The following RABGAP1 variants were observed in gnomAD, a reference collection of about 807,000 sequenced individuals.
RABGAP1 encodes RAB GTPase activating protein 1.
RABGAP1 carries 23 observed loss-of-function variants against 137.6 expected under a neutral mutation model. The ratio of observed to expected loss-of-function variants is 0.17; its 90% CI spans 0.12 to 0.24. RABGAP1 has a LOEUF of 0.24. RABGAP1 is among the 10% of genes least tolerant of loss of function. The probability of loss-of-function intolerance (pLI) is 1.00; values close to 1 mark genes in which losing one functional copy is unlikely to be tolerated. For synonymous variants in RABGAP1, 451 were observed against 450.7 expected (o/e 1.00, Z -0.01); for missense variants, 906 against 1,275.8 (o/e 0.71, Z 4.42).
intron 19 of RABGAP1, among the ~76,000 whole-genome samples, chr9:123,082,280 T>C (rs2034733269): frequency 6.6e-6 from 1 of 152,194 alleles, no homozygotes; most frequent in Admixed American, 6.5e-5. Context: ...AGAACTCATT[T>C]AGCTATCCAT....
At chr9:123,019,358 C>T (rs976624395) in intron 12 of RABGAP1, among the ~76,000 whole-genome samples, 5 of 152,094 alleles carry the variant, frequency 3.3e-5, no homozygotes. Context: ...CAAAGTCTGT[C>T]TCTGTCACCC....
chr9:122,986,946 G>A (rs1372357052), intron 4 of RABGAP1, among the ~76,000 whole-genome samples: 1 of 152,076 alleles, frequency 6.6e-6, no homozygotes, highest in African/African-American at 2.4e-5. Flanking sequence ...TGGGCAGCCT[G>A]GGCAACATGG....
rs1356432887 is a variant in RABGAP1 at position 123,073,745 on chromosome 9, A to G, written c.2109+68A>G. On this transcript the variant is annotated intron_variant, in intron 16 of 25. Coordinates refer to ENST00000373647, the MANE Select transcript of RABGAP1 (RefSeq NM_012197.4). ...GACTAAGGAGCACCAAATTGAGGAA[A>G]TGGTGCCAGGGAGCATTGGTAATTG... The G allele has an allele frequency of 3.8e-6, 6 of 1,592,626 alleles. No individual in the cohort carries two copies. In the East Asian group the frequency reaches 6.7e-5, roughly 18 times the overall value.
At chr9:123,037,219 G>C (rs1306815321) in intron 13 of RABGAP1, among the ~76,000 whole-genome samples, 1 of 152,142 alleles carries the variant, frequency 6.6e-6, no homozygotes, top group Non-Finnish European at 1.5e-5. Flanking sequence ...GATAAGCTTT[G>C]GTTTTCCATC....
At position 123,089,755 on chromosome 9, in the gene RABGAP1, C is replaced by T; in HGVS notation, c.2425-3C>T. The T allele has an allele frequency of 6.2e-7, 1 of 1,608,124 alleles. No homozygotes were observed. The highest frequency in any genetic ancestry group is 8.5e-7 in the Non-Finnish European group (1 of 1,175,692). ...TTAATTTACCCTATGATTTATCCTA[C>T]AGATTAGTCAGAAGAAGTTGAAAAA... On this transcript the variant is annotated splice_polypyrimidine_tract_variant and splice_region_variant and intron_variant, in intron 19 of 25. Coordinates refer to ENST00000373647, the MANE Select transcript of RABGAP1 (RefSeq NM_012197.4).
In RABGAP1 at chr9:123,103,323, C is replaced by T. The variant is rs1205776519; in HGVS notation, c.*110C>T. On this transcript the variant is annotated 3_prime_UTR_variant, in exon 26 of 26. Transcript: ENST00000373647. Reference sequence around the variant, plus strand: ...TCCCAGGACCAGAATGTACCTAAGTCAGATCCATAGACGCATGTTGGTAGG... The same window carrying T: ...TCCCAGGACCAGAATGTACCTAAGTTAGATCCATAGACGCATGTTGGTAGG... 1 of 1,497,560 alleles carries T rather than the reference C, an allele frequency of 6.7e-7. No homozygotes were observed. The highest frequency in any genetic ancestry group is 1.4e-5 in the African/African-American group (1 of 72,086). The allele number at this position is 1,497,560 out of a possible 1,614,324, so 92.8% of individuals were successfully genotyped here.
At chr9:123,011,040 A>G (rs1000786872) in intron 11 of RABGAP1, among the ~76,000 whole-genome samples, 1 of 151,694 alleles carries the variant, frequency 6.6e-6, no homozygotes, top group South Asian at 2.1e-4. Context: ...CTATTGAATT[A>G]ATCTGTCATT....
chr9:123,043,884 G>A (rs2033075149), intron 13 of RABGAP1, among the ~76,000 whole-genome samples: 1 of 151,304 alleles, frequency 6.6e-6, no homozygotes, highest in East Asian at 1.9e-4. Flanking sequence ...TTTCACTTAC[G>A]TAGGTGTATT....
chr9:123,020,875 C>T, intron 13 of RABGAP1: 1 of 890,406 alleles, frequency 1.1e-6, no homozygotes, highest in Non-Finnish European at 1.3e-6. Flanking sequence ...TTAATCTAAA[C>T]CATATTCTCT....
intron 13 of RABGAP1, among the ~76,000 whole-genome samples, chr9:123,033,104 G>A (rs930229073): frequency 7.9e-5 from 12 of 152,136 alleles, no homozygotes; most frequent in African/African-American, 2.9e-4. Flanking sequence ...TGATCTTAAA[G>A]TTTCTTGGCC....
chr9:122,983,274 G>A (rs527805972), intron 2 of RABGAP1, among the ~76,000 whole-genome samples: 169 of 152,080 alleles, frequency 1.1e-3, no homozygotes, highest in African/African-American at 3.7e-3. Context: ...AAAATTACTC[G>A]GCCCACTTGT....
At chr9:122,981,810 A>T (rs1293399149) in intron 2 of RABGAP1, among the ~76,000 whole-genome samples, 1 of 152,222 alleles carries the variant, frequency 6.6e-6, no homozygotes, top group Non-Finnish European at 1.5e-5. Flanking sequence ...GCACTTTGGG[A>T]GGCCAAGGTG....
At chr9:123,051,345 T>G (rs888398638) in intron 13 of RABGAP1, among the ~76,000 whole-genome samples, 4 of 148,972 alleles carry the variant, frequency 2.7e-5, no homozygotes, top group Non-Finnish European at 5.9e-5. Context: ...CCTCCCAGGT[T>G]TAAGGGCTTC....
intron 2 of RABGAP1, among the ~76,000 whole-genome samples, chr9:122,975,905 A>G (rs1336744562): frequency 1.3e-5 from 2 of 152,216 alleles, no homozygotes; most frequent in African/African-American, 4.8e-5. Context: ...TACAGAGTTA[A>G]TGTCAGAGCA....
rs1234823153 is a variant in RABGAP1 at position 123,098,755 on chromosome 9, C to G, written c.2774C>G (p.Ser925Cys). 5.6e-6 allele frequency: 9 copies of G among 1,613,624 alleles called. No homozygotes were observed. Among genetic ancestry groups the G allele is most frequent in the Non-Finnish European group, 2.5e-6 (3 of 1,179,850 alleles). ...CGTCGGGAACTCGACAAGGCAGAAT[C>G]TGAGATTAAAAAAAACAGTTCTATC... Reference protein sequence around the residue: ...MCRRELDKAESEIKKNSSIIG... With the variant: ...MCRRELDKAECEIKKNSSIIG... Residue 925 changes from serine (S) to cysteine (C), a missense_variant, in exon 23 of 26, where the codon TCT (serine) becomes TGT (cysteine). Physicochemically the swap from Ser to Cys is moderately radical, Grantham distance 112 (BLOSUM62 -1). Transcript: ENST00000373647.
chr9:123,100,347 T>C (rs558204076), intron 24 of RABGAP1, among the ~76,000 whole-genome samples: 1 of 151,868 alleles, frequency 6.6e-6, no homozygotes, highest in Admixed American at 6.5e-5. Context: ...TAGAGCAGGA[T>C]GACACTGGCC....
chr9:122,949,839 T>C (rs190674005), intron 1 of RABGAP1, among the ~76,000 whole-genome samples: 5 of 152,114 alleles, frequency 3.3e-5, no homozygotes, highest in Admixed American at 1.3e-4. Flanking sequence ...AGGGGGAGGT[T>C]GAATACTTGA....
At chr9:123,083,948 C>A (rs1031732367) in intron 19 of RABGAP1, among the ~76,000 whole-genome samples, 3 of 152,160 alleles carry the variant, frequency 2.0e-5, no homozygotes, top group African/African-American at 7.2e-5. Context: ...CTTATGTGTT[C>A]AGCACTGAGC....
At chr9:123,089,077 GAGAA>G (rs1198786940) in intron 19 of RABGAP1, among the ~76,000 whole-genome samples, 1 of 78,028 alleles carries the variant, frequency 1.3e-5, no homozygotes, top group Non-Finnish European at 5.7e-5. Context: ...AAAGGCTTGA[GAGAA>G]AGAGAACAAT....
Sources: allele counts gnomAD v4.1 joint callset (sites outside exome capture counted in the v4.1 genomes callset), GRCh38; gene constraint gnomAD v4.1.1; transcripts MANE v1.5; gene names NCBI Gene and HGNC (gene_info 2026-07-23, HGNC 2026-07-21).